The following PDE1A variants were observed in gnomAD, a reference collection of about 807,000 sequenced individuals.
PDE1A encodes the protein dual specificity calcium/calmodulin-dependent 3',5'-cyclic nucleotide phosphodiesterase 1A.
Under a neutral mutation model 61.7 loss-of-function variants are expected in PDE1A, and 35 were observed. The ratio of observed to expected loss-of-function variants is 0.57; its 90% CI spans 0.43 to 0.75. The LOEUF is 0.75. PDE1A is among the 30% of genes least tolerant of loss of function. The pLI, the probability that PDE1A is intolerant of heterozygous loss-of-function variation, is 0.00. For missense variants in PDE1A, 597 were observed against 630.6 expected (o/e 0.95, Z 0.57); for synonymous variants, 232 against 213.2 (o/e 1.09, Z -0.77).
chr2:182,401,920 C>T (rs1476074344), intron 1 of PDE1A, among the ~76,000 whole-genome samples: 2 of 152,148 alleles, frequency 1.3e-5, no homozygotes, highest in Non-Finnish European at 1.5e-5. Context: ...AACTGCCATT[C>T]ACAATTACTA....
At chr2:182,305,401 A>G (rs1695514719) in intron 1 of PDE1A, among the ~76,000 whole-genome samples, 1 of 152,138 alleles carries the variant, frequency 6.6e-6, no homozygotes, top group Admixed American at 6.5e-5. Context: ...GATAATACAT[A>G]AATAGATGAG....
intron 3 of PDE1A, 99 bp from the exon 4 acceptor site, chr2:182,234,597 A>G (rs1689858232): frequency 2.7e-6 from 2 of 732,208 alleles, no homozygotes; most frequent in Middle Eastern, 3.8e-4. Flanking sequence ...TGACATGTTC[A>G]CCTCTTATCA....
chr2:182,679,114 C>G, the PDE1A span, among the ~76,000 whole-genome samples: 2 of 149,700 alleles, frequency 1.3e-5, no homozygotes, highest in Admixed American at 6.7e-5. Flanking sequence ...AAGTGATTCT[C>G]ATGCCTCAGC....
intron 2 of PDE1A, among the ~76,000 whole-genome samples, chr2:182,463,951 T>C (rs1686480138): frequency 6.6e-6 from 1 of 152,116 alleles, no homozygotes; most frequent in African/African-American, 2.4e-5. Flanking sequence ...CTGGCAAGGA[T>C]ATGAAGCTGG....
rs192045663 is a variant in PDE1A at position 182,249,947 on chromosome 2, T to G, written c.168-9655A>C. 7.0e-4 allele frequency among the ~76,000 whole-genome samples: 106 copies of G among 152,290 alleles called. 1 individual carries two copies. In the East Asian group the frequency reaches 0.02, roughly 28 times the overall value. On this transcript the variant is annotated intron_variant, in intron 2 of 13. Coordinates refer to ENST00000351439, the Ensembl canonical transcript of PDE1A. Reference sequence around the variant, plus strand: ...ATCTAATTATTATTGATACTTCTATTTTACTGATAAATAGACTGAGGCACA... The same window carrying G: ...ATCTAATTATTATTGATACTTCTATGTTACTGATAAATAGACTGAGGCACA...
the PDE1A span, among the ~76,000 whole-genome samples, chr2:182,555,740 C>T: frequency 1.4e-4 from 21 of 151,680 alleles, no homozygotes; most frequent in South Asian, 1.3e-3. Context: ...CTGAGGCAGG[C>T]GAATCACCTG....
intron 7 of PDE1A, among the ~76,000 whole-genome samples, chr2:182,211,129 C>CCTGTCACATT (rs1553537893): frequency 6.6e-6 from 1 of 152,134 alleles, no homozygotes; most frequent in Non-Finnish European, 1.5e-5. Context: ...ACCTTCCAAC[C>CCTGTCACATT]CTGTCACATT....
chr2:182,543,182 C>T, the PDE1A span, among the ~76,000 whole-genome samples: 1 of 152,144 alleles, frequency 6.6e-6, no homozygotes, highest in African/African-American at 2.4e-5. Flanking sequence ...GTGTACATAG[C>T]TCAGATATAG....
Position 182,320,470 on chromosome 2 carries a change from A to G in PDE1A, c.54-56056T>C, listed in dbSNP as rs375863053. On this transcript the variant is annotated intron_variant, in intron 1 of 13. Transcript: ENST00000351439. ...AGAAATAATATTTTCTAAATTTACAAAATTTAAAAACTGTAGTATAAATCC... is the reference window on the plus strand; with the variant it reads ...AGAAATAATATTTTCTAAATTTACAGAATTTAAAAACTGTAGTATAAATCC... 3.3e-5 allele frequency among the ~76,000 whole-genome samples: 5 copies of G among 152,334 alleles called. No individual in the cohort carries two copies. The South Asian group carries it at 1.0e-3, about 32-fold the overall frequency.
intron 2 of PDE1A, among the ~76,000 whole-genome samples, chr2:182,245,633 C>T (rs1594615): frequency 0.22 from 34,014 of 151,946 alleles, 4,145 homozygotes; most frequent in East Asian, 0.33. Context: ...TTAATATTGG[C>T]TTATTCCACT....
chr2:182,219,221 T>C (rs1688512530), intron 7 of PDE1A, among the ~76,000 whole-genome samples: 1 of 152,134 alleles, frequency 6.6e-6, no homozygotes, highest in Non-Finnish European at 1.5e-5. Flanking sequence ...AAAGGAAGAT[T>C]TTATTTTTAA....
At chr2:182,349,432 CA>C (rs1245917677) in intron 1 of PDE1A, among the ~76,000 whole-genome samples, 1 of 152,158 alleles carries the variant, frequency 6.6e-6, no homozygotes, top group African/African-American at 2.4e-5. Flanking sequence ...TTTTCAGTAA[CA>C]AGCATTTATG....
At chr2:182,233,040 T>A (rs1482946162) in intron 4 of PDE1A, among the ~76,000 whole-genome samples, 1 of 152,186 alleles carries the variant, frequency 6.6e-6, no homozygotes, top group Non-Finnish European at 1.5e-5. Context: ...AGTTTATATC[T>A]TTTTTACTAT....
intron 1 of PDE1A, among the ~76,000 whole-genome samples, chr2:182,322,852 G>A (rs550057691): frequency 8.6e-4 from 131 of 151,984 alleles, no homozygotes; most frequent in African/African-American, 1.8e-3. Flanking sequence ...AAATGATTTC[G>A]CAAAAATAAA....
the PDE1A span, among the ~76,000 whole-genome samples, chr2:182,684,820 C>A: frequency 6.6e-6 from 1 of 152,162 alleles, no homozygotes; most frequent in South Asian, 2.1e-4. Flanking sequence ...TATAACATAT[C>A]ATTTCTAATT....
intron 1 of PDE1A, among the ~76,000 whole-genome samples, chr2:182,408,878 A>G (rs1348080925): frequency 6.6e-6 from 1 of 152,232 alleles, no homozygotes; most frequent in African/African-American, 2.4e-5. Context: ...AAACTGGGGG[A>G]TCAGCTAGAA....
chr2:182,178,272 C>G (rs1684448210), intron 13 of PDE1A, among the ~76,000 whole-genome samples: 4 of 152,106 alleles, frequency 2.6e-5, no homozygotes, highest in African/African-American at 9.7e-5. Context: ...ACCCATACTT[C>G]CAGAGGAGAT....
intron 1 of PDE1A, among the ~76,000 whole-genome samples, chr2:182,423,571 G>GA (rs1483308879): frequency 1.2e-4 from 19 of 152,010 alleles, no homozygotes; most frequent in Admixed American, 9.2e-4. Context: ...AATTAAATTG[G>GA]AAAAAAAGCT....
At chr2:182,588,223 C>T in the PDE1A span, among the ~76,000 whole-genome samples, 2 of 152,134 alleles carry the variant, frequency 1.3e-5, no homozygotes, top group Non-Finnish European at 2.9e-5. Flanking sequence ...AAAGAGAGCG[C>T]TGGGTAAAAT....
Sources: gnomAD v4.1 joint callset for allele counts (sites outside exome capture counted in the v4.1 genomes callset) on GRCh38, gnomAD v4.1.1 for gene constraint, MANE v1.5 for transcripts, NCBI Gene and HGNC (gene_info 2026-07-23, HGNC 2026-07-21) for gene names.